PGAP1: variants seen among roughly 807,000 people sequenced by gnomAD.
PGAP1 encodes GPI inositol-deacylase.
Under a neutral mutation model 127.0 loss-of-function variants are expected in PGAP1, and 76 were observed. The observed-to-expected ratio is 0.60, with a 90% CI of 0.50 to 0.72. The LOEUF (loss-of-function observed/expected upper bound fraction) is 0.72. PGAP1 is among the 30% of genes least tolerant of loss of function. PGAP1 has a pLI of 0.00. For missense variants in PGAP1, 982 were observed against 1,071.3 expected, an observed-to-expected ratio of 0.92 and a Z score of 1.16; for synonymous variants, 362 against 366.5, an observed-to-expected ratio of 0.99 and a Z score of 0.14.
chr2:196,859,778 A>G (rs2125788697), intron 20 of PGAP1, among the ~76,000 whole-genome samples: 1 of 152,330 alleles, frequency 6.6e-6, no homozygotes, highest in East Asian at 1.9e-4. Context: ...ATTTCAATAG[A>G]TGCTGAGAAA....
At chr2:196,849,929 C>T (rs756473850) in intron 20 of PGAP1, among the ~76,000 whole-genome samples, 15 of 152,218 alleles carry the variant, frequency 9.9e-5, no homozygotes, top group Middle Eastern at 3.2e-3. Flanking sequence ...TCTCCAGATC[C>T]ATTCTCCACC....
At position 196,872,558 on chromosome 2, in the gene PGAP1, A is replaced by G. The variant is rs1307714082; in HGVS notation, c.1620-9T>C. ...CTGTGGAAGATGGAGCCCTGAAGAG[A>G]TAACTTAAATATCAATTCTCAAATA... On this transcript the variant is annotated splice_polypyrimidine_tract_variant and intron_variant, in intron 17 of 26. Coordinates refer to ENST00000354764, the MANE Select transcript of PGAP1 (RefSeq NM_024989.4). 3 of 1,552,628 alleles carry G rather than the reference A, an allele frequency of 1.9e-6. No homozygotes were observed. The highest frequency in any genetic ancestry group is 1.1e-5 in the South Asian group (1 of 89,730).
At chr2:196,857,656 T>C (rs146199330) in intron 20 of PGAP1, among the ~76,000 whole-genome samples, 1 of 152,230 alleles carries the variant, frequency 6.6e-6, no homozygotes, top group African/African-American at 2.4e-5. Context: ...CCCTGACAAA[T>C]AGAGCTGAGG....
intron 20 of PGAP1, among the ~76,000 whole-genome samples, chr2:196,863,067 A>G (rs1158184956): frequency 1.3e-5 from 2 of 152,218 alleles, no homozygotes; most frequent in African/African-American, 4.8e-5. Flanking sequence ...ACAAAAAATA[A>G]CAAGTGATAA....
At chr2:196,900,065 A>G (rs1325061178) in intron 5 of PGAP1, among the ~76,000 whole-genome samples, 2 of 152,080 alleles carry the variant, frequency 1.3e-5, no homozygotes, top group African/African-American at 2.4e-5. Flanking sequence ...AAACACACAA[A>G]GTGAGTTTTT....
chr2:196,889,371 T>C (rs1270998143), intron 10 of PGAP1, among the ~76,000 whole-genome samples: 1 of 152,108 alleles, frequency 6.6e-6, no homozygotes, highest in East Asian at 1.9e-4. Context: ...ATGCCTATCA[T>C]CTTTTTTTAA....
At chr2:196,926,417 C>A in intron 1 of PGAP1, 53 bp downstream of exon 1, 1 of 1,608,382 alleles carries the variant, frequency 6.2e-7, no homozygotes, top group Non-Finnish European at 8.5e-7. Context: ...AGGAAAAAGG[C>A]ACCAGGGGCC....
At chr2:196,847,344 T>A (rs1700586637) in intron 21 of PGAP1, 144 bp from the exon 22 acceptor site, 2 of 604,346 alleles carry the variant, frequency 3.3e-6, no homozygotes, top group East Asian at 2.9e-5. Context: ...AAATTTTTAA[T>A]TCTTTGTATG....
At chr2:196,876,478 G>A (rs1701573286) in intron 13 of PGAP1, among the ~76,000 whole-genome samples, 1 of 152,072 alleles carries the variant, frequency 6.6e-6, no homozygotes, top group Non-Finnish European at 1.5e-5. Context: ...ATTTTTTGTA[G>A]TGACATTTCT....
chr2:196,841,422 G>T, intron 26 of PGAP1, 50 bp from the exon 27 acceptor site: 1 of 1,391,060 alleles, frequency 7.2e-7, no homozygotes, highest in Non-Finnish European at 1.0e-6. Context: ...TACATTGTGA[G>T]CCAAAATTAT....
At chr2:196,915,572 C>A (rs1163186779) in intron 3 of PGAP1, among the ~76,000 whole-genome samples, 1 of 152,180 alleles carries the variant, frequency 6.6e-6, no homozygotes, top group Admixed American at 6.5e-5. Context: ...TCATCCTTAA[C>A]TGTTCTTTTC....
intron 8 of PGAP1, among the ~76,000 whole-genome samples, chr2:196,892,602 T>C (rs1371453292): frequency 1.3e-5 from 2 of 152,096 alleles, no homozygotes; most frequent in African/African-American, 4.8e-5. Flanking sequence ...AAGTAAAGTA[T>C]AAATCTGTTT....
At chr2:196,846,485 T>C (rs1700559858) in intron 22 of PGAP1, among the ~76,000 whole-genome samples, 1 of 152,114 alleles carries the variant, frequency 6.6e-6, no homozygotes, top group South Asian at 2.1e-4. Flanking sequence ...ACATGACATG[T>C]CTGGTAAGGA....
chr2:196,844,222 T>G, intron 24 of PGAP1, 147 bp from the exon 25 acceptor site: 1 of 554,822 alleles, frequency 1.8e-6, no homozygotes, highest in East Asian at 3.1e-5. Flanking sequence ...TGCTTAAAAA[T>G]ACTTTAAAAT....
chr2:196,870,838 A>G (rs1701388105), intron 19 of PGAP1, 103 bp downstream of exon 19: 3 of 959,204 alleles, frequency 3.1e-6, no homozygotes, highest in Middle Eastern at 2.2e-4. Context: ...TCTGCAAAAA[A>G]TTATTGATTA....
chr2:196,850,235 T>C (rs1417125704), intron 20 of PGAP1, among the ~76,000 whole-genome samples: 1 of 152,240 alleles, frequency 6.6e-6, no homozygotes, highest in Non-Finnish European at 1.5e-5. Context: ...TCTTATCATT[T>C]CTTGTTGGTT....
intron 4 of PGAP1, among the ~76,000 whole-genome samples, chr2:196,905,155 T>C (rs141163905): frequency 1.3e-5 from 2 of 152,230 alleles, no homozygotes; most frequent in East Asian, 1.9e-4. Context: ...TAAAACCTAT[T>C]GAGGGTGCAT....
chr2:196,860,473 G>A (rs775725246), intron 20 of PGAP1, among the ~76,000 whole-genome samples: 2 of 152,038 alleles, frequency 1.3e-5, no homozygotes, highest in African/African-American at 4.8e-5. Flanking sequence ...GGCAGAGTTC[G>A]CAATGGGCCG....
chr2:196,913,153 A>T, intron 3 of PGAP1, 100 bp from the exon 4 acceptor site: 1 of 1,098,172 alleles, frequency 9.1e-7, no homozygotes. Flanking sequence ...GGAAAAAGAA[A>T]ATCAAACTAT....
Sources: gnomAD v4.1 joint callset for allele counts (sites outside exome capture counted in the v4.1 genomes callset) on GRCh38, gnomAD v4.1.1 for gene constraint, MANE v1.5 for transcripts, NCBI Gene and HGNC (gene_info 2026-07-23, HGNC 2026-07-21) for gene names.